CACNB2: variants seen among roughly 807,000 people sequenced by gnomAD.
CACNB2 encodes the protein voltage-dependent L-type calcium channel subunit beta-2.
CACNB2 carries 42 observed loss-of-function variants against 73.3 expected under a neutral mutation model. The ratio of observed to expected loss-of-function variants is 0.57; its 90% confidence interval spans 0.45 to 0.74. The LOEUF is 0.74. Among genes scored for constraint, CACNB2 ranks in the 30% least tolerant of loss-of-function variants. The pLI is 0.00. For synonymous variants in CACNB2, 348 were observed against 310.3 expected (o/e 1.12, Z -1.28); for missense variants, 940 against 853.0 (o/e 1.10, Z -1.27).
chr10:18,425,150 A>G (rs948374235), intron 3 of CACNB2, among the ~76,000 whole-genome samples: 1 of 152,192 alleles, frequency 6.6e-6, no homozygotes, highest in African/African-American at 2.4e-5. Flanking sequence ...ATGACAGTGC[A>G]TGGCTTTGGA....
intron 2 of CACNB2, among the ~76,000 whole-genome samples, chr10:18,296,761 C>T (rs1408890963): frequency 3.3e-5 from 5 of 152,310 alleles, no homozygotes; most frequent in Middle Eastern, 3.4e-3. Flanking sequence ...TTTCCTCTTT[C>T]TCATTTCTGA....
intron 2 of CACNB2, among the ~76,000 whole-genome samples, chr10:18,337,400 C>A (rs1564447563): frequency 6.6e-6 from 1 of 152,254 alleles, no homozygotes; most frequent in East Asian, 1.9e-4. Context: ...CCATGCCCGG[C>A]CTACTTTTTT....
rs943120713 is a variant in CACNB2, at chr10:18,514,336, C to T, written c.771C>T (p.His257=). The part of the protein sequence containing the change: ...KPSANSVTSP[H]SKEKRMPFFK... The stretch of plus-strand genomic sequence containing the variant: ...GTGCAAACAGTGTAACGTCACCCCA[C>T]TCCAAAGAGAAAAGAATGCCCTTCT... Residue 257 remains histidine (H), a synonymous_variant, in exon 7 of 14, where the codon CAC becomes CAT. Coordinates refer to ENST00000324631, the MANE Select transcript of CACNB2 (RefSeq NM_201596.3). 1 of 1,614,160 alleles carries T rather than the reference C, an allele frequency of 6.2e-7. No homozygotes were observed. The highest frequency in any genetic ancestry group is 1.7e-5 in the Admixed American group (1 of 60,018).
rs568726490 is a variant in CACNB2 at position 18,140,623 on chromosome 10, G to A, written c.-114G>A. ...CGGGGCGCTGCGCCGAGAACGGCCGGGCCTGAGCCCTGGGCGGCCCCCAGA... is the reference window on the plus strand; with the variant it reads ...CGGGGCGCTGCGCCGAGAACGGCCGAGCCTGAGCCCTGGGCGGCCCCCAGA... On this transcript the variant is annotated 5_prime_UTR_variant, in exon 1 of 14. Coordinates refer to ENST00000324631, the MANE Select transcript of CACNB2 (RefSeq NM_201596.3). The A allele has an allele frequency of 2.4e-5, 21 of 883,500 alleles. No individual in the cohort carries two copies. The Admixed American group carries it at 5.2e-4, about 22-fold the overall frequency. The allele number at this position is 883,500 out of a possible 1,614,324, so 54.7% of individuals were successfully genotyped here. A position where few individuals can be genotyped will look rare whatever the true frequency, so the allele number is the denominator to read the frequency against.
intron 2 of CACNB2, among the ~76,000 whole-genome samples, chr10:18,328,832 G>A (rs997524160): frequency 6.6e-6 from 1 of 152,192 alleles, no homozygotes; most frequent in Non-Finnish European, 1.5e-5. Context: ...TTGTAGAACT[G>A]TATATGATTT....
Position 18,445,947 on chromosome 10 carries a change from T to A in CACNB2, c.333+43904T>A, listed in dbSNP as rs184461205. 2.1e-3 allele frequency among the ~76,000 whole-genome samples: 322 copies of A among 152,244 alleles called. 1 individual carries two copies. The highest frequency in any genetic ancestry group is 7.6e-3 in the African/African-American group (315 of 41,526). ...TACTCAGGAGGCTGAGGCAGGAGAA[T>A]CGCTTGAACCCAGGAGGAGGAGGTT... is the stretch of plus-strand genomic sequence containing the variant. On this transcript the variant is annotated intron_variant, in intron 3 of 13. Transcript: ENST00000324631.
intron 2 of CACNB2, among the ~76,000 whole-genome samples, chr10:18,193,806 T>G (rs2034508511): frequency 1.3e-5 from 2 of 152,192 alleles, no homozygotes; most frequent in Non-Finnish European, 2.9e-5. Flanking sequence ...GATTATATGC[T>G]GGGTACTCCT....
intron 2 of CACNB2, among the ~76,000 whole-genome samples, chr10:18,264,837 G>A (rs2037717610): frequency 6.6e-6 from 1 of 152,118 alleles, no homozygotes; most frequent in South Asian, 2.1e-4. Flanking sequence ...TAAACAGTTG[G>A]GACATGCCAT....
At chr10:18,251,299 T>C (rs535455710) in intron 2 of CACNB2, among the ~76,000 whole-genome samples, 4 of 152,046 alleles carry the variant, frequency 2.6e-5, no homozygotes, top group African/African-American at 9.6e-5. Context: ...GGCTGGAATG[T>C]GATGGCATGA....
intron 2 of CACNB2, among the ~76,000 whole-genome samples, chr10:18,388,480 A>C (rs924705514): frequency 2.6e-5 from 4 of 152,110 alleles, no homozygotes; most frequent in African/African-American, 9.7e-5. Context: ...GGTACTTTCC[A>C]GTGCTTTATT....
chr10:18,370,532 T>G (rs2042536826), intron 2 of CACNB2, among the ~76,000 whole-genome samples: 1 of 152,124 alleles, frequency 6.6e-6, no homozygotes, highest in South Asian at 2.1e-4. Flanking sequence ...ACTCCTAGAC[T>G]TAAGTGATCC....
intron 2 of CACNB2, among the ~76,000 whole-genome samples, chr10:18,200,257 A>T (rs2034820983): frequency 6.6e-6 from 1 of 150,516 alleles, no homozygotes. Flanking sequence ...TACATTAATT[A>T]TACTCAAAAA....
At chr10:18,315,514 A>AAAC (rs1564429207) in intron 2 of CACNB2, among the ~76,000 whole-genome samples, 7 of 132,310 alleles carry the variant, frequency 5.3e-5, no homozygotes, top group African/African-American at 1.4e-4. Context: ...AAAAAAAAAA[A>AAAC]AAAAAAAAAA....
chr10:18,140,934 C>G, intron 1 of CACNB2, 78 bp downstream of exon 1: 2 of 1,540,460 alleles, frequency 1.3e-6, no homozygotes, highest in South Asian at 1.2e-5. Flanking sequence ...CCCGGCGCCT[C>G]CACTGCAGGG....
chr10:18,202,363 G>A (rs1477214745), intron 2 of CACNB2, among the ~76,000 whole-genome samples: 1 of 152,174 alleles, frequency 6.6e-6, no homozygotes, highest in Non-Finnish European at 1.5e-5. Flanking sequence ...GGCTATGATT[G>A]AGTACATATA....
At chr10:18,374,979 A>G (rs879831314) in intron 2 of CACNB2, among the ~76,000 whole-genome samples, 2 of 152,176 alleles carry the variant, frequency 1.3e-5, no homozygotes, top group Non-Finnish European at 2.9e-5. Context: ...GATTTAGCCT[A>G]AGGAGAAAGT....
chr10:18,232,983 A>G (rs1192167439), intron 2 of CACNB2, among the ~76,000 whole-genome samples: 3 of 152,140 alleles, frequency 2.0e-5, no homozygotes, highest in Non-Finnish European at 2.9e-5. Context: ...GCTACTTTGG[A>G]GGCTGAAGCG....
intron 2 of CACNB2, among the ~76,000 whole-genome samples, chr10:18,191,581 C>A (rs899722479): frequency 1.3e-5 from 2 of 152,080 alleles, no homozygotes; most frequent in African/African-American, 4.8e-5. Flanking sequence ...GTCTTTTATC[C>A]CTCACCGCTT....
At chr10:18,445,298 G>C (rs1189159062) in intron 3 of CACNB2, among the ~76,000 whole-genome samples, 1 of 152,186 alleles carries the variant, frequency 6.6e-6, no homozygotes, top group Non-Finnish European at 1.5e-5. Flanking sequence ...AGTTTATCTT[G>C]AACTACGGTG....
Sources: allele counts gnomAD v4.1 joint callset (sites outside exome capture counted in the v4.1 genomes callset), GRCh38; gene constraint gnomAD v4.1.1; transcripts MANE v1.5; gene names NCBI Gene and HGNC (gene_info 2026-07-23, HGNC 2026-07-21).